BTBD1: variants seen among roughly 807,000 people sequenced by gnomAD.
BTBD1 encodes the protein BTB/POZ domain-containing protein 1.
BTBD1 carries 34 observed loss-of-function variants against 48.0 expected under a neutral mutation model. The ratio of observed to expected loss-of-function variants is 0.71; its 90% CI spans 0.54 to 0.94. The LOEUF (loss-of-function observed/expected upper bound fraction) is 0.94. Ranked by LOEUF, BTBD1 falls within the 40% of genes least tolerant of loss-of-function variation. The pLI is 0.00. For synonymous variants in BTBD1, 261 were observed against 242.1 expected, an observed-to-expected ratio of 1.08 and a Z score of -0.72; for missense variants, 543 against 625.6, an observed-to-expected ratio of 0.87 and a Z score of 1.41.
intron 2 of BTBD1, among the ~76,000 whole-genome samples, chr15:83,052,099 G>T (rs1370051042): frequency 6.6e-6 from 1 of 152,088 alleles, no homozygotes; most frequent in Non-Finnish European, 1.5e-5. Context: ...TGGGACCACA[G>T]GCGCCTGCCA....
chr15:83,056,430 T>C lies in BTBD1; in HGVS notation c.517A>G (p.Lys173Glu), dbSNP rs1438278994. The change falls in exon 2 of 8, where the codon AAA (lysine) becomes GAA (glutamate). Residue 173 changes from lysine to glutamate, a missense_variant. Physicochemically the swap from Lys to Glu is moderately conservative, Grantham distance 56. This residue lies in a region of BTBD1 where 70 missense variants were observed against 111.7 expected (regional missense o/e 0.63). Transcript: ENST00000261721. ...AAGGCATTATCTGCCCTAAGATGTT[T>C]GGTGAGAAATTCTACACAGTGTGCT... ...LEAHCVEFLT[K>E]HLRADNAFML... is the part of the protein sequence containing the mutation. 1 of 1,613,742 alleles carries C rather than the reference T, an allele frequency of 6.2e-7. No individual in the cohort carries two copies. Among genetic ancestry groups the C allele is most frequent in the Non-Finnish European group, 8.5e-7 (1 of 1,179,650 alleles).
chr15:83,044,186 C>T (rs940732344), intron 3 of BTBD1, among the ~76,000 whole-genome samples: 3 of 152,152 alleles, frequency 2.0e-5, no homozygotes, highest in Admixed American at 6.5e-5. Flanking sequence ...GTAACTGATA[C>T]TTAGTGAGCA....
intron 4 of BTBD1, among the ~76,000 whole-genome samples, chr15:83,040,710 A>AC (rs2032736502): frequency 6.6e-6 from 1 of 151,580 alleles, no homozygotes; most frequent in African/African-American, 2.4e-5. Flanking sequence ...AAAAAAAAAA[A>AC]AAAAAAAAAA....
chr15:83,055,241 A>C (rs1354916494), intron 2 of BTBD1, among the ~76,000 whole-genome samples: 1 of 152,212 alleles, frequency 6.6e-6, no homozygotes, highest in Non-Finnish European at 1.5e-5. Flanking sequence ...AATTCATTAG[A>C]CTATACACTT....
intron 1 of BTBD1, among the ~76,000 whole-genome samples, chr15:83,060,925 C>A (rs1448091128): frequency 6.6e-6 from 1 of 152,124 alleles, no homozygotes; most frequent in Admixed American, 6.5e-5. Context: ...TACTCAAAAA[C>A]ATTTATTGAG....
chr15:83,016,955 A>G lies in BTBD1; in HGVS notation c.*1112T>C, dbSNP rs187980888. Reference sequence around the variant, plus strand: ...CACTTTCATTTTTTATAAGAGAATCACTTTCAAGGGAAAAAAATGGATGTT... The same window carrying G: ...CACTTTCATTTTTTATAAGAGAATCGCTTTCAAGGGAAAAAAATGGATGTT... On this transcript the variant is annotated 3_prime_UTR_variant, in exon 8 of 8. Coordinates refer to ENST00000261721, the MANE Select transcript of BTBD1 (RefSeq NM_025238.4). The G allele has an allele frequency of 1.3e-5, 2 of 152,566 alleles. No homozygotes were observed. The highest frequency in any genetic ancestry group is 2.9e-5 in the Non-Finnish European group (2 of 68,028). The allele number at this position is 152,566 out of a possible 1,614,324, so 9.5% of individuals were successfully genotyped here.
intron 3 of BTBD1, among the ~76,000 whole-genome samples, chr15:83,049,408 T>C (rs538318437): frequency 2.0e-5 from 3 of 152,302 alleles, no homozygotes; most frequent in Admixed American, 2.0e-4. Flanking sequence ...AACGACATTA[T>C]TCAAGGACCT....
intron 4 of BTBD1, among the ~76,000 whole-genome samples, chr15:83,032,247 C>T (rs569112818): frequency 3.3e-5 from 5 of 151,274 alleles, no homozygotes; most frequent in African/African-American, 1.2e-4. Flanking sequence ...CTGGAACCTG[C>T]GAGGCAGAAG....
At position 83,030,150 on chromosome 15, in the gene BTBD1, C is replaced by T. The variant is rs749335568; in HGVS notation, c.1041G>A (p.Thr347=). ...QVESRWGYSG[T]SDRIRFTVNR... ...ATAACAGATACCTGATTCGATCACT[C>T]GTCCCACTGTAACCCCAGCGGCTTT... is the stretch of plus-strand genomic sequence containing the variant. Residue 347 remains threonine (T), a synonymous_variant, in exon 5 of 8, where the codon ACG becomes ACA. Transcript: ENST00000261721. The T allele has an allele frequency of 5.0e-6, 8 of 1,614,028 alleles. No individual in the cohort carries two copies. The highest frequency in any genetic ancestry group is 2.2e-5 in the East Asian group (1 of 44,868).
At chr15:83,035,641 G>A (rs2032611317) in intron 4 of BTBD1, among the ~76,000 whole-genome samples, 1 of 151,810 alleles carries the variant, frequency 6.6e-6, no homozygotes, top group African/African-American at 2.4e-5. Flanking sequence ...GACCTTCTAA[G>A]TATCTCAAAA....
intron 5 of BTBD1, among the ~76,000 whole-genome samples, chr15:83,028,224 T>C (rs967257252): frequency 1.3e-5 from 2 of 152,236 alleles, no homozygotes; most frequent in African/African-American, 4.8e-5. Context: ...GTCAAACAAG[T>C]ATTCTTCTAG....
intron 4 of BTBD1, among the ~76,000 whole-genome samples, chr15:83,036,884 G>GA (rs947944940): frequency 1.3e-5 from 2 of 152,118 alleles, no homozygotes; most frequent in African/African-American, 4.8e-5. Flanking sequence ...ATAGAAGACA[G>GA]AAAGTAGTCA....
intron 5 of BTBD1, among the ~76,000 whole-genome samples, chr15:83,021,958 C>G (rs2032308460): frequency 6.6e-6 from 1 of 152,054 alleles, no homozygotes; most frequent in South Asian, 2.1e-4. Context: ...AGAATTATTT[C>G]CTTTAGTCAT....
chr15:83,042,833 A>G (rs918294602), intron 3 of BTBD1, among the ~76,000 whole-genome samples: 1 of 152,240 alleles, frequency 6.6e-6, no homozygotes, highest in Non-Finnish European at 1.5e-5. Context: ...AAGGAGAATC[A>G]GAAATGCAGT....
Position 83,067,186 on chromosome 15 carries a change from A to G in BTBD1, c.-35T>C. On this transcript the variant is annotated 5_prime_UTR_variant, in exon 1 of 8. Coordinates refer to ENST00000261721, the MANE Select transcript of BTBD1 (RefSeq NM_025238.4). ...GCGCGGTTGCCCACGTTATGGACAA[A>G]ACTCCGCCGCCATCGCCCAGGCCGC... is the stretch of plus-strand genomic sequence containing the variant. The G allele has an allele frequency of 2.9e-6, 4 of 1,370,340 alleles. No individual in the cohort carries two copies. In the South Asian group the frequency reaches 7.2e-5, roughly 25 times the overall value. 84.9% of individuals were successfully genotyped at this position (1,370,340 alleles called of 1,614,324 possible).
At chr15:83,024,416 G>A (rs2032365806) in intron 5 of BTBD1, 1 of 152,152 alleles carries the variant, frequency 6.6e-6, no homozygotes, top group Non-Finnish European at 1.5e-5. Context: ...TGGTGATTTT[G>A]TACTTAAAAC....
intron 1 of BTBD1, 92 bp downstream of exon 1, chr15:83,066,659 T>G (rs1020494296): frequency 2.4e-6 from 3 of 1,251,418 alleles, no homozygotes; most frequent in South Asian, 2.8e-5. Context: ...CCCAAGGTCA[T>G]CCGGGAGTCC....
chr15:83,035,356 A>C (rs1419225041), intron 4 of BTBD1, among the ~76,000 whole-genome samples: 2 of 152,142 alleles, frequency 1.3e-5, no homozygotes, highest in Non-Finnish European at 2.9e-5. Context: ...GCCAAAGCAG[A>C]TATCAACAAA....
In BTBD1 at chr15:83,056,498, G is replaced by C; in HGVS notation, c.449C>G (p.Thr150Ser). 6.2e-7 allele frequency: 1 copy of C among 1,613,478 alleles called. No homozygotes were observed. Among genetic ancestry groups the C allele is most frequent in the Non-Finnish European group, 8.5e-7 (1 of 1,179,478 alleles). Residue 150 changes from threonine (T) to serine (S), a missense_variant, in exon 2 of 8, where the codon ACC (threonine) becomes AGC (serine). Physicochemically the swap from Thr to Ser is moderately conservative, Grantham distance 58. This residue lies in a region of BTBD1 where 70 missense variants were observed against 111.7 expected (regional missense o/e 0.63). Transcript: ENST00000261721. ...GTATTTCTTGGCAGTATAAAGAGTG[G>C]TCATAACTGTTTCTGGACCAATTTG... ...EVQIGPETVM[T>S]TLYTAKKYAV...
Sources: allele counts gnomAD v4.1 joint callset (sites outside exome capture counted in the v4.1 genomes callset), GRCh38; gene constraint gnomAD v4.1.1; regional missense constraint gnomAD v4.1.1; transcripts MANE v1.5; gene names NCBI Gene and HGNC (gene_info 2026-07-23, HGNC 2026-07-21).